The following PEX11A variants were observed in gnomAD, a reference collection of about 807,000 sequenced individuals.
The protein encoded by PEX11A is peroxisomal biogenesis factor 11 alpha.
PEX11A carries 13 observed loss-of-function variants against 14.4 expected under a neutral mutation model. The observed-to-expected ratio is 0.90, with a 90% CI of 0.59 to 1.43. PEX11A has a LOEUF of 1.43. Among genes scored for constraint, PEX11A ranks in the 40% most tolerant of loss-of-function variants. The pLI, the probability that PEX11A is intolerant of heterozygous loss-of-function variation, is 0.00. For synonymous variants in PEX11A, 101 were observed against 113.0 expected, an observed-to-expected ratio of 0.89 and a Z score of 0.67; for missense variants, 290 against 302.8, an observed-to-expected ratio of 0.96 and a Z score of 0.31.
chr15:89,685,407 C>T (rs1259593967), intron 2 of PEX11A, among the ~76,000 whole-genome samples: 3 of 151,854 alleles, frequency 2.0e-5, no homozygotes, highest in African/African-American at 7.3e-5. Context: ...CTTTCAGCTC[C>T]AACATTCTAA....
chr15:89,686,923 G>T (rs78708244), intron 1 of PEX11A, among the ~76,000 whole-genome samples: 7,713 of 147,762 alleles, frequency 0.052, 678 homozygotes, highest in African/African-American at 0.18. Context: ...TTCTTTCTTT[G>T]TTTTTTTTTT....
At chr15:89,689,306 C>A (rs1443115545) in intron 1 of PEX11A, among the ~76,000 whole-genome samples, 1 of 152,106 alleles carries the variant, frequency 6.6e-6, no homozygotes, top group Non-Finnish European at 1.5e-5. Context: ...TTTAGAGTAT[C>A]TACCTCATAG....
In PEX11A at chr15:89,681,615, T is replaced by G; in HGVS notation, c.*1762A>C. Reference sequence around the variant, plus strand: ...AATAAAAATAGTTATTTAAGCTTTTTATTTTCCCTGACCTAGTAGCTTTCA... The same window carrying G: ...AATAAAAATAGTTATTTAAGCTTTTGATTTTCCCTGACCTAGTAGCTTTCA... On this transcript the variant is annotated 3_prime_UTR_variant, in exon 3 of 3. Coordinates refer to ENST00000300056, the MANE Select transcript of PEX11A (RefSeq NM_003847.3). The G allele has an allele frequency of 1.5e-6, 1 of 659,720 alleles. No individual in the cohort carries two copies. Among genetic ancestry groups the G allele is most frequent in the Non-Finnish European group, 2.7e-6 (1 of 364,026 alleles). The allele number at this position is 659,720 out of a possible 1,614,324, so 40.9% of individuals were successfully genotyped here.
intron 1 of PEX11A, chr15:89,688,041 CA>C: frequency 1.9e-6 from 1 of 537,776 alleles, no homozygotes; most frequent in East Asian, 5.0e-5. Context: ...TCAACACACT[CA>C]AGCTTTAGCA....
At position 89,684,319 on chromosome 15, in the gene PEX11A, A is replaced by G. The variant is rs146245027; in HGVS notation, c.173-371T>C. ...AGTGATCTTGGAAGGCAAAAAATAC[A>G]GTGACTCTTTAAATTTACCTCCTCC... is the stretch of plus-strand genomic sequence containing the variant. On this transcript the variant is annotated intron_variant, in intron 2 of 2. Transcript: ENST00000300056. Among the ~76,000 whole-genome samples the G allele has an allele frequency of 4.2e-3, 637 of 152,380 alleles. 6 individuals carry two copies. The highest frequency in any genetic ancestry group is 0.014 in the South Asian group (66 of 4,832).
At position 89,686,679 on chromosome 15, in the gene PEX11A, C is replaced by T. The variant is rs1964681776; in HGVS notation, c.57-133G>A. On this transcript the variant is annotated intron_variant, in intron 1 of 2. Coordinates refer to ENST00000300056, the MANE Select transcript of PEX11A (RefSeq NM_003847.3). Reference sequence around the variant, plus strand: ...ACCATTTCTCATGTAGCAACTCTTACAAAAGCAAAATTCTGCAACAGTCAT... The same window carrying T: ...ACCATTTCTCATGTAGCAACTCTTATAAAAGCAAAATTCTGCAACAGTCAT... 1.9e-5 allele frequency: 11 copies of T among 567,468 alleles called. 1 individual carries two copies. The highest frequency in any genetic ancestry group is 1.6e-4 in the South Asian group (7 of 44,670). The allele number at this position is 567,468 out of a possible 1,614,324, so 35.2% of individuals were successfully genotyped here. A position where few individuals can be genotyped will look rare whatever the true frequency, so the allele number is the denominator to read the frequency against.
rs1964634492 is a variant in PEX11A at position 89,683,753 on chromosome 15, G to A, written c.368C>T (p.Ala123Val). 1 of 1,614,044 alleles carries A rather than the reference G, an allele frequency of 6.2e-7. No individual in the cohort carries two copies. Among genetic ancestry groups the A allele is most frequent in the African/African-American group, 1.3e-5 (1 of 75,056 alleles). ...GINKEKWRTRAAHHYYYSLLL... is the reference protein window; with the variant it reads ...GINKEKWRTRVAHHYYYSLLL... ...AAGAGAATAGTAGTAGTGGTGAGCA[G>A]CCCTCGTTCGCCATTTCTCTTTGTT... Residue 123 changes from alanine to valine, a missense_variant, in exon 3 of 3, where the codon GCT (alanine) becomes GTT (valine). Physicochemically the swap from Ala to Val is moderately conservative, Grantham distance 64. Transcript: ENST00000300056.
Position 89,681,623 on chromosome 15 carries a change from C to A in PEX11A, c.*1754G>T. 1.5e-6 allele frequency: 1 copy of A among 652,378 alleles called. No homozygotes were observed. The highest frequency in any genetic ancestry group is 2.8e-6 in the Non-Finnish European group (1 of 360,342). 40.4% of individuals were successfully genotyped at this position (652,378 alleles called of 1,614,324 possible). On this transcript the variant is annotated 3_prime_UTR_variant, in exon 3 of 3. Transcript: ENST00000300056. ...TAGTTATTTAAGCTTTTTATTTTCC[C>A]TGACCTAGTAGCTTTCATGTCTCTT...
chr15:89,690,657 T>A lies in PEX11A; in HGVS notation c.-25A>T. ...TGGCTTCTAGCCCAAAGGCCACGAG[T>A]CGCACGGGGCTCAGGCGTGGGTCCT... On this transcript the variant is annotated 5_prime_UTR_variant, in exon 1 of 3. Coordinates refer to ENST00000300056, the MANE Select transcript of PEX11A (RefSeq NM_003847.3). The A allele has an allele frequency of 6.5e-7, 1 of 1,542,376 alleles. No individual in the cohort carries two copies. The highest frequency in any genetic ancestry group is 8.8e-7 in the Non-Finnish European group (1 of 1,139,868).
intron 2 of PEX11A, 65 bp downstream of exon 2, chr15:89,686,366 T>C (rs1964676042): frequency 1.3e-6 from 1 of 744,264 alleles, no homozygotes; most frequent in African/African-American, 1.8e-5. Context: ...CTCCGTGAAT[T>C]ACAGGGTCTG....
Position 89,683,485 on chromosome 15 carries a change from C to T in PEX11A, c.636G>A (p.Leu212=), listed in dbSNP as rs1187699552. The T allele has an allele frequency of 6.2e-7, 1 of 1,614,088 alleles. No homozygotes were observed. The highest frequency in any genetic ancestry group is 2.2e-5 in the East Asian group (1 of 44,894). Residue 212 remains leucine, a synonymous_variant, in exon 3 of 3, where the codon CTG becomes CTA. Coordinates refer to ENST00000300056, the MANE Select transcript of PEX11A (RefSeq NM_003847.3). ...LCDILNPLDQ[L]GIYKSNPGII... ...TGCCAGGATTGGATTTATAGATCCC[C>T]AGCTGGTCCAAAGGGTTCAGGATAT...
chr15:89,683,629 A>T lies in PEX11A; in HGVS notation c.492T>A (p.Pro164=), dbSNP rs2141547347. 6.2e-7 allele frequency: 1 copy of T among 1,614,180 alleles called. No individual in the cohort carries two copies. The highest frequency in any genetic ancestry group is 8.5e-7 in the Non-Finnish European group (1 of 1,180,006). Reference sequence around the variant, plus strand: ...CCTCCTCAGCCACGCTGAACCAAAGAGGATCCTGGGATGCTGATTTCTCTT... The same window carrying T: ...CCTCCTCAGCCACGCTGAACCAAAGTGGATCCTGGGATGCTGATTTCTCTT... ...AKKEKSASQD[P]LWFSVAEEET... The change falls in exon 3 of 3, where the codon CCT becomes CCA. Residue 164 remains proline (P), a synonymous_variant. Transcript: ENST00000300056.
In PEX11A at chr15:89,683,888, G is replaced by C. The variant is rs1224442931; in HGVS notation, c.233C>G (p.Thr78Ser). 6.2e-7 allele frequency: 1 copy of C among 1,614,154 alleles called. No individual in the cohort carries two copies. The highest frequency in any genetic ancestry group is 2.2e-5 in the East Asian group (1 of 44,886). Residue 78 changes from threonine (T) to serine (S), a missense_variant, in exon 3 of 3, where the codon ACT becomes AGT. Thr to Ser is a moderately conservative substitution (Grantham distance 58). Coordinates refer to ENST00000300056, the MANE Select transcript of PEX11A (RefSeq NM_003847.3). ...IQATEQSIHA[T>S]DLVPRLCLTL... ...TAAGCATAAGCGAGGTACCAGGTCA[G>C]TGGCATGAATGCTCTGCTCAGTTGC...
rs755170843 is a variant in PEX11A, at chr15:89,683,898, T to C, written c.223A>G (p.Ile75Val). 1 of 1,614,134 alleles carries C rather than the reference T, an allele frequency of 6.2e-7. No individual in the cohort carries two copies. The highest frequency in any genetic ancestry group is 2.2e-5 in the East Asian group (1 of 44,884). Reference protein sequence around the residue: ...VHAIQATEQSIHATDLVPRLC... With the variant: ...VHAIQATEQSVHATDLVPRLC... ...CGAGGTACCAGGTCAGTGGCATGAA[T>C]GCTCTGCTCAGTTGCCTGTATAGCA... The change falls in exon 3 of 3, where the codon ATT becomes GTT. Residue 75 changes from isoleucine to valine, a missense_variant. Physicochemically the swap from Ile to Val is conservative, Grantham distance 29. Coordinates refer to ENST00000300056, the MANE Select transcript of PEX11A (RefSeq NM_003847.3).
chr15:89,688,872 C>T (rs1043473008), intron 1 of PEX11A, among the ~76,000 whole-genome samples: 2 of 151,878 alleles, frequency 1.3e-5, no homozygotes, highest in African/African-American at 2.4e-5. Flanking sequence ...CCCACCACAA[C>T]GCCCAGCTAA....
chr15:89,689,987 C>T (rs944422822), intron 1 of PEX11A, among the ~76,000 whole-genome samples: 1 of 152,150 alleles, frequency 6.6e-6, no homozygotes, highest in Non-Finnish European at 1.5e-5. Flanking sequence ...CAAAAAGTAG[C>T]CGGGCGTGGT....
At chr15:89,689,567 A>G (rs1227907344) in intron 1 of PEX11A, among the ~76,000 whole-genome samples, 6 of 152,228 alleles carry the variant, frequency 3.9e-5, no homozygotes, top group Non-Finnish European at 7.3e-5. Flanking sequence ...TAAAGATACA[A>G]TCTCTCAGTT....
Position 89,686,553 on chromosome 15 carries a change from TG to T in PEX11A, c.57-8del. ...GCATGTGTACTGAGTGGCTCTGAAA[TG>T]GAAAAAAAAAAATTGAGAAGAATGA... On this transcript the variant is annotated splice_region_variant and splice_polypyrimidine_tract_variant and intron_variant, in intron 1 of 2. Coordinates refer to ENST00000300056, the MANE Select transcript of PEX11A (RefSeq NM_003847.3). The T allele has an allele frequency of 1.6e-6, 2 of 1,255,994 alleles. No homozygotes were observed. Among genetic ancestry groups the T allele is most frequent in the Non-Finnish European group, 2.3e-6 (2 of 878,900 alleles). 77.8% of individuals were successfully genotyped at this position (1,255,994 alleles called of 1,614,324 possible).
chr15:89,688,180 T>A, intron 1 of PEX11A: 1 of 537,312 alleles, frequency 1.9e-6, no homozygotes, highest in Admixed American at 1.9e-5. Context: ...TCTTGTACTA[T>A]GTCACTTTGT....
Sources: gnomAD v4.1 joint callset for allele counts (sites outside exome capture counted in the v4.1 genomes callset) on GRCh38, gnomAD v4.1.1 for gene constraint, MANE v1.5 for transcripts, NCBI Gene and HGNC (gene_info 2026-07-23, HGNC 2026-07-21) for gene names.